Variants in RNF217 observed in about 807,000 individuals in gnomAD.
The protein encoded by RNF217 is E3 ubiquitin-protein ligase RNF217.
Under a neutral mutation model 57.8 loss-of-function variants are expected in RNF217, and 31 were observed. The ratio of observed to expected loss-of-function variants is 0.54; its 90% confidence interval spans 0.40 to 0.72. The LOEUF is 0.72. Among genes scored for constraint, RNF217 ranks in the 30% least tolerant of loss-of-function variants. RNF217 has a pLI of 0.00. For missense variants in RNF217, 696 were observed against 708.3 expected (o/e 0.98, Z 0.20); for synonymous variants, 313 against 294.0 (o/e 1.06, Z -0.66).
intron 1 of RNF217, among the ~76,000 whole-genome samples, chr6:124,991,215 T>C (rs1037450696): frequency 4.6e-5 from 7 of 152,188 alleles, no homozygotes; most frequent in Admixed American, 3.9e-4. Flanking sequence ...GACTCCATTT[T>C]CTATTCCTCC....
At chr6:125,042,701 G>C (rs1446788877) in intron 1 of RNF217, among the ~76,000 whole-genome samples, 2 of 152,086 alleles carry the variant, frequency 1.3e-5, no homozygotes, top group African/African-American at 4.8e-5. Context: ...TGCTGAAGGA[G>C]TATCAAGACA....
chr6:125,003,913 A>G (rs1324125468), intron 1 of RNF217, among the ~76,000 whole-genome samples: 1 of 152,156 alleles, frequency 6.6e-6, no homozygotes, highest in African/African-American at 2.4e-5. Context: ...GGGAAGGCCT[A>G]TTATGGGAAC....
rs146911965 is a variant in RNF217 at position 124,970,741 on chromosome 6, A to G, written c.882+7315A>G. ...TTGGAGACTGAGTCCGAGCATACCA[A>G]TGTTCACAAATATGGAGTCTGGGAC... On this transcript the variant is annotated intron_variant, in intron 1 of 5. Coordinates refer to ENST00000521654, the MANE Select transcript of RNF217 (RefSeq NM_001286398.3). 3.3e-3 allele frequency among the ~76,000 whole-genome samples: 501 copies of G among 152,306 alleles called. 3 individuals carry two copies. Among genetic ancestry groups the G allele is most frequent in the African/African-American group, 0.011 (453 of 41,574 alleles).
chr6:125,082,589 A>G (rs1788614604), intron 5 of RNF217: 1 of 1,599,292 alleles, frequency 6.3e-7, no homozygotes, highest in African/African-American at 1.3e-5. Context: ...TGCAAATGAT[A>G]TGACTGTGGA....
intron 3 of RNF217, among the ~76,000 whole-genome samples, chr6:125,064,250 A>C (rs1460779811): frequency 2.0e-5 from 3 of 152,168 alleles, no homozygotes; most frequent in Admixed American, 6.5e-5. Flanking sequence ...AACCATTTTT[A>C]ACTCTCCAGA....
chr6:124,987,051 A>G (rs1321489589), intron 1 of RNF217, among the ~76,000 whole-genome samples: 1 of 152,184 alleles, frequency 6.6e-6, no homozygotes, highest in African/African-American at 2.4e-5. Flanking sequence ...ATATTAGTCT[A>G]CTAGCATGTA....
rs553906129 is a variant in RNF217, at chr6:124,983,077, C to T, written c.882+19651C>T. Among the ~76,000 whole-genome samples the T allele has an allele frequency of 1.1e-4, 17 of 152,302 alleles. No homozygotes were observed. The East Asian group carries it at 2.1e-3, about 19-fold the overall frequency. ...AGCTTTCTATATATTTCTTCTTCAA[C>T]GCTCCCCCCTCAACCACAAATAGAG... is the stretch of plus-strand genomic sequence containing the variant. On this transcript the variant is annotated intron_variant, in intron 1 of 5. Transcript: ENST00000521654.
chr6:125,015,324 T>C (rs986545523), intron 1 of RNF217, among the ~76,000 whole-genome samples: 7 of 152,194 alleles, frequency 4.6e-5, no homozygotes, highest in African/African-American at 1.7e-4. Flanking sequence ...TTGTAAGACA[T>C]CTTTTTAAAA....
intron 1 of RNF217, among the ~76,000 whole-genome samples, chr6:125,032,409 T>A (rs1786398343): frequency 6.6e-6 from 1 of 152,136 alleles, no homozygotes; most frequent in Non-Finnish European, 1.5e-5. Context: ...TTGGTTTTAC[T>A]GTCAGTTCTG....
intron 4 of RNF217, among the ~76,000 whole-genome samples, chr6:125,078,597 A>G (rs950413196): frequency 6.6e-6 from 1 of 152,066 alleles, no homozygotes; most frequent in Non-Finnish European, 1.5e-5. Flanking sequence ...CTCCCTTGAT[A>G]ACTAACACGC....
intron 1 of RNF217, among the ~76,000 whole-genome samples, chr6:125,015,656 T>C (rs1011912120): frequency 4.6e-5 from 7 of 152,048 alleles, no homozygotes; most frequent in Admixed American, 4.6e-4. Flanking sequence ...TTGGTATTGC[T>C]ACATCCAGTA....
chr6:125,048,145 A>G (rs1355606682), intron 2 of RNF217: 24 of 1,283,590 alleles, frequency 1.9e-5, no homozygotes, highest in Middle Eastern at 2.2e-4. Flanking sequence ...CTGTCTGGGT[A>G]TTATAGGTAA....
At chr6:125,050,247 T>C (rs1160321345) in intron 2 of RNF217, among the ~76,000 whole-genome samples, 1 of 151,986 alleles carries the variant, frequency 6.6e-6, no homozygotes, top group Non-Finnish European at 1.5e-5. Context: ...CTTATCAACA[T>C]GTTAGAGAAC....
chr6:124,976,899 G>C (rs1783984883), intron 1 of RNF217, among the ~76,000 whole-genome samples: 1 of 152,162 alleles, frequency 6.6e-6, no homozygotes, highest in South Asian at 2.1e-4. Context: ...ACTCATGGAG[G>C]CTTTTCCTTC....
At position 125,045,379 on chromosome 6, in the gene RNF217, C is replaced by T; in HGVS notation, c.1051C>T (p.His351Tyr). The T allele has an allele frequency of 2.5e-6, 4 of 1,613,432 alleles. No individual in the cohort carries two copies. The highest frequency in any genetic ancestry group is 3.4e-6 in the Non-Finnish European group (4 of 1,179,660). Residue 351 changes from histidine (H) to tyrosine (Y), a missense_variant, in exon 2 of 6, where the codon CAC becomes TAC. By Grantham distance (83) the His-to-Tyr change is moderately conservative (BLOSUM62 2). Transcript: ENST00000521654. ...CACCAAGCCATGTCCTCAGTGCAAG[C>T]ACTTTACAACCTTCAAGAAAAAAGG... is the stretch of plus-strand genomic sequence containing the variant. ...SSTKPCPQCK[H>Y]FTTFKKKGHI...
rs1788678192 is a variant in RNF217, at chr6:125,083,507, A to T, written c.*570A>T. 1 of 152,160 alleles carries T rather than the reference A, an allele frequency of 6.6e-6. No individual in the cohort carries two copies. The highest frequency in any genetic ancestry group is 1.5e-5 in the Non-Finnish European group (1 of 68,036). 9.4% of individuals were successfully genotyped at this position (152,160 alleles called of 1,614,324 possible). A position where few individuals can be genotyped will look rare whatever the true frequency, so the allele number is the denominator to read the frequency against. On this transcript the variant is annotated 3_prime_UTR_variant, in exon 6 of 6. Transcript: ENST00000521654. ...GGGAATGAGTGAAACTAAATTAATG[A>T]GAAGAATATTAAGTTACTGAAGTGT... is the stretch of plus-strand genomic sequence containing the variant.
intron 1 of RNF217, among the ~76,000 whole-genome samples, chr6:125,023,133 C>T (rs143476954): frequency 8.0e-4 from 122 of 152,200 alleles, no homozygotes; most frequent in African/African-American, 2.6e-3. Context: ...TAAGGATCAC[C>T]TGATACAGTT....
chr6:124,981,899 G>A (rs1169986821), intron 1 of RNF217, among the ~76,000 whole-genome samples: 3 of 151,096 alleles, frequency 2.0e-5, no homozygotes, highest in African/African-American at 7.3e-5. Flanking sequence ...GTGGTTATGG[G>A]CACCTGTAGT....
intron 1 of RNF217, among the ~76,000 whole-genome samples, chr6:125,021,390 C>T (rs1215269924): frequency 1.3e-5 from 2 of 151,786 alleles, no homozygotes; most frequent in Non-Finnish European, 2.9e-5. Context: ...CTCAGCCTCC[C>T]AAGTAGCTGG....
Sources: allele counts gnomAD v4.1 joint callset (sites outside exome capture counted in the v4.1 genomes callset), GRCh38; gene constraint gnomAD v4.1.1; transcripts MANE v1.5; gene names NCBI Gene and HGNC (gene_info 2026-07-23, HGNC 2026-07-21).